The following NUP98 variants were observed in gnomAD, a reference collection of about 807,000 sequenced individuals.
NUP98 encodes nuclear pore complex protein Nup98-Nup96.
A neutral mutation model predicts 191.9 loss-of-function variants in NUP98; 26 were observed. The ratio of observed to expected loss-of-function variants is 0.14; its 90% CI spans 0.10 to 0.19. NUP98 has a LOEUF of 0.19. Ranked by LOEUF, NUP98 falls within the 10% of genes least tolerant of loss-of-function variation. The pLI, the probability that NUP98 is intolerant of heterozygous loss-of-function variation, is 1.00. For synonymous variants in NUP98, 808 were observed against 778.4 expected (o/e 1.04, Z -0.63); for missense variants, 1,941 against 2,178.8 (o/e 0.89, Z 2.17).
intron 1 of NUP98, among the ~76,000 whole-genome samples, chr11:3,783,938 CT>C (rs1019781457): frequency 6.6e-6 from 1 of 152,066 alleles, no homozygotes; most frequent in African/African-American, 2.4e-5. Flanking sequence ...TTACTCAGAG[CT>C]TTCCCCCTCC....
chr11:3,791,632 C>G (rs2082355010), intron 1 of NUP98, among the ~76,000 whole-genome samples: 1 of 150,082 alleles, frequency 6.7e-6, no homozygotes, highest in Non-Finnish European at 1.5e-5. Context: ...ATCACGAGGT[C>G]AGGAGTTGAA....
At chr11:3,725,072 TAAG>T (rs779620146) in intron 15 of NUP98, 28 bp downstream of exon 15, 9 of 983,408 alleles carry the variant, frequency 9.2e-6, no homozygotes, top group East Asian at 2.4e-5. Flanking sequence ...AACTCTCTAC[TAAG>T]AAGAACTCAA....
chr11:3,772,686 G>A (rs2081568776), intron 6 of NUP98, among the ~76,000 whole-genome samples: 1 of 152,006 alleles, frequency 6.6e-6, no homozygotes. Context: ...ATAGTGGCGT[G>A]CAGCTGCAAT....
chr11:3,698,141 C>T (rs1411877077), intron 25 of NUP98, among the ~76,000 whole-genome samples: 2 of 152,124 alleles, frequency 1.3e-5, no homozygotes, highest in African/African-American at 4.8e-5. Flanking sequence ...ATCTGTATTA[C>T]AGGGCATTTG....
chr11:3,730,031 C>A (rs1486892567), intron 14 of NUP98, among the ~76,000 whole-genome samples: 1 of 152,018 alleles, frequency 6.6e-6, no homozygotes, highest in Non-Finnish European at 1.5e-5. Flanking sequence ...TATCTGAGGT[C>A]AGCAGTTCAA....
intron 12 of NUP98, among the ~76,000 whole-genome samples, chr11:3,739,122 G>A (rs1296529067): frequency 6.6e-6 from 1 of 151,900 alleles, no homozygotes; most frequent in African/African-American, 2.4e-5. Context: ...CTTGTGTCAG[G>A]AACTTTGGAA....
Position 3,778,939 on chromosome 11 carries a change from T to C in NUP98, c.289A>G (p.Thr97Ala). ...TGGGATGAGAAGAGACTGGTCCCTGTGCTTGCAGTTCCAAACAAGGTATTT... is the reference window on the plus strand; with the variant it reads ...TGGGATGAGAAGAGACTGGTCCCTGCGCTTGCAGTTCCAAACAAGGTATTT... ...TANTLFGTAS[T>A]GTSLFSSQNN... The change falls in exon 4 of 33, where the codon ACA becomes GCA. Residue 97 changes from threonine (T) to alanine (A), a missense_variant. Coordinates refer to ENST00000324932, the MANE Select transcript of NUP98 (RefSeq NM_016320.5). 1.9e-6 allele frequency: 3 copies of C among 1,614,210 alleles called. No homozygotes were observed. The highest frequency in any genetic ancestry group is 2.5e-6 in the Non-Finnish European group (3 of 1,180,040).
chr11:3,779,589 C>T (rs150678623), intron 2 of NUP98, among the ~76,000 whole-genome samples: 5,101 of 150,790 alleles, frequency 0.034, 110 homozygotes, highest in African/African-American at 0.041. Flanking sequence ...TTCGGTGAGC[C>T]AAGATCGTGC....
In NUP98 at chr11:3,793,841, G is replaced by A. The variant is rs1025192608; in HGVS notation, c.-29+3559C>T. ...CAAAATTAGCTGGGTGTGGTGGCAC[G>A]CACCTGTAATCCAGCTACTCGGGAG... On this transcript the variant is annotated intron_variant, in intron 1 of 32. Transcript: ENST00000324932. Among the ~76,000 whole-genome samples the A allele has an allele frequency of 5.3e-5, 8 of 151,832 alleles. No homozygotes were observed. The East Asian group carries it at 5.9e-4, about 11-fold the overall frequency.
chr11:3,721,217 T>C (rs1003193115), intron 16 of NUP98, among the ~76,000 whole-genome samples: 18 of 152,294 alleles, frequency 1.2e-4, no homozygotes, highest in African/African-American at 4.3e-4. Context: ...AATCAGCTTT[T>C]TATTTTATTT....
In NUP98 at chr11:3,768,752, G is replaced by GA; in HGVS notation, c.785-9dup. On this transcript the variant is annotated splice_polypyrimidine_tract_variant and intron_variant, in intron 7 of 32. Transcript: ENST00000324932. ...TTCCAAATCCAGTTGTACCTTTTAG[G>GA]AAAAAGAAAAAAAAAAGAAAAAAGA... The GA allele has an allele frequency of 2.7e-6, 4 of 1,455,130 alleles. No homozygotes were observed. The highest frequency in any genetic ancestry group is 1.5e-5 in the South Asian group (1 of 66,002). The allele number at this position is 1,455,130 out of a possible 1,614,324, so 90.1% of individuals were successfully genotyped here.
At chr11:3,774,496 G>A (rs991333918) in intron 5 of NUP98, among the ~76,000 whole-genome samples, 32 of 152,104 alleles carry the variant, frequency 2.1e-4, no homozygotes, top group African/African-American at 4.3e-4. Flanking sequence ...AGGCCGAGGC[G>A]GGTGGATCAC....
rs562997015 is a variant in NUP98, at chr11:3,793,066, G to A, written c.-29+4334C>T. ...GCGGAGGTTGGAGTACGCTGAGATA[G>A]CGCCACTGCACTCCGACTTGGGCGA... On this transcript the variant is annotated intron_variant, in intron 1 of 32. Coordinates refer to ENST00000324932, the MANE Select transcript of NUP98 (RefSeq NM_016320.5). Among the ~76,000 whole-genome samples the A allele has an allele frequency of 9.9e-5, 15 of 152,150 alleles. 1 individual carries two copies. The East Asian group carries it at 2.7e-3, about 27-fold the overall frequency.
chr11:3,717,576 T>G (rs2079230912), intron 18 of NUP98, among the ~76,000 whole-genome samples: 1 of 152,256 alleles, frequency 6.6e-6, no homozygotes, highest in East Asian at 1.9e-4. Context: ...GTAAGTTTTT[T>G]TGTGTGGCAT....
At chr11:3,718,100 T>C (rs1013128589) in intron 18 of NUP98, among the ~76,000 whole-genome samples, 2 of 152,216 alleles carry the variant, frequency 1.3e-5, no homozygotes, top group Non-Finnish European at 2.9e-5. Flanking sequence ...AGTGTGAAAG[T>C]ATTCCCTTCT....
intron 4 of NUP98, among the ~76,000 whole-genome samples, chr11:3,777,817 A>G (rs1178622835): frequency 6.6e-6 from 1 of 152,088 alleles, no homozygotes; most frequent in Admixed American, 6.6e-5. Context: ...AAACAGGCAC[A>G]TTTCTTTTGA....
chr11:3,743,189 T>C (rs1041006059), intron 12 of NUP98, among the ~76,000 whole-genome samples: 1 of 151,478 alleles, frequency 6.6e-6, no homozygotes, highest in Non-Finnish European at 1.5e-5. Flanking sequence ...CAGCTAATTT[T>C]TGCATTTTTA....
intron 2 of NUP98, among the ~76,000 whole-genome samples, chr11:3,781,091 T>A (rs2081951825): frequency 6.7e-6 from 1 of 148,354 alleles, no homozygotes; most frequent in Admixed American, 6.9e-5. Flanking sequence ...GAGGCTGAGG[T>A]ATGAGGAGTG....
chr11:3,683,574 T>G, intron 29 of NUP98, 133 bp from the exon 30 acceptor site: 2 of 946,934 alleles, frequency 2.1e-6, no homozygotes, highest in Non-Finnish European at 3.1e-6. Context: ...GTTTCACTCT[T>G]GTTGCCCAGG....
Sources: allele counts gnomAD v4.1 joint callset (sites outside exome capture counted in the v4.1 genomes callset), GRCh38; gene constraint gnomAD v4.1.1; transcripts MANE v1.5; gene names NCBI Gene and HGNC (gene_info 2026-07-23, HGNC 2026-07-21).